MEIS2: variants seen among roughly 807,000 people sequenced by gnomAD.
MEIS2 encodes the protein homeobox protein Meis2.
In MEIS2, 9 loss-of-function variants were observed where a neutral mutation model predicts 58.6. That is an observed-to-expected ratio of 0.15 (90% CI 0.09 to 0.27). MEIS2 has a LOEUF of 0.27. Ranked by LOEUF, MEIS2 falls within the 10% of genes least tolerant of loss-of-function variation. The pLI, the probability that MEIS2 is intolerant of heterozygous loss-of-function variation, is 1.00. For synonymous variants in MEIS2, 221 were observed against 228.4 expected (o/e 0.97, Z 0.29); for missense variants, 427 against 635.0 (o/e 0.67, Z 3.52).
At chr15:36,950,558 A>G (rs1228567392) in intron 8 of MEIS2, among the ~76,000 whole-genome samples, 158 bp from the exon 9 acceptor site, 2 of 152,032 alleles carry the variant, frequency 1.3e-5, no homozygotes, top group Admixed American at 6.6e-5. Flanking sequence ...GGGCAGGGAC[A>G]AGAACCCAGA....
At chr15:36,938,270 T>C (rs2058248247) in intron 9 of MEIS2, among the ~76,000 whole-genome samples, 1 of 149,054 alleles carries the variant, frequency 6.7e-6, no homozygotes, top group South Asian at 2.1e-4. Context: ...TACCTTTCCC[T>C]CCCCTTGTGC....
chr15:37,075,576 GA>G (rs1429485370), intron 7 of MEIS2, among the ~76,000 whole-genome samples: 2 of 151,836 alleles, frequency 1.3e-5, no homozygotes, highest in Non-Finnish European at 2.9e-5. Flanking sequence ...CTTAAAAAAG[GA>G]AAAAAGAAAA....
At chr15:37,071,862 G>A (rs756564681) in intron 7 of MEIS2, among the ~76,000 whole-genome samples, 7 of 152,012 alleles carry the variant, frequency 4.6e-5, no homozygotes, top group Non-Finnish European at 7.4e-5. Context: ...TGCATCAAGC[G>A]TTTCCACTTT....
intron 9 of MEIS2, 91 bp from the exon 10 acceptor site, chr15:36,896,777 T>C (rs778472164): frequency 2.1e-6 from 2 of 967,106 alleles, no homozygotes; most frequent in Non-Finnish European, 3.3e-6. Flanking sequence ...CAAAATACAG[T>C]CAAATCTCTT....
At chr15:37,042,393 A>G (rs911319121) in intron 7 of MEIS2, among the ~76,000 whole-genome samples, 1 of 152,054 alleles carries the variant, frequency 6.6e-6, no homozygotes, top group African/African-American at 2.4e-5. Flanking sequence ...AACTTCTTCT[A>G]CTTACCCCAT....
intron 9 of MEIS2, among the ~76,000 whole-genome samples, chr15:36,926,047 C>T (rs551724583): frequency 7.9e-5 from 12 of 152,138 alleles, no homozygotes; most frequent in East Asian, 1.9e-4. Context: ...TATCCAGCCC[C>T]GCTTCTTTTT....
chr15:37,099,005 G>A, intron 1 of MEIS2: 1 of 983,578 alleles, frequency 1.0e-6, no homozygotes, highest in South Asian at 4.5e-5. Context: ...GGCTGCGGCA[G>A]CGCGGCCCCA....
intron 7 of MEIS2, among the ~76,000 whole-genome samples, chr15:37,062,292 T>C (rs1009967356): frequency 2.0e-5 from 3 of 152,202 alleles, no homozygotes; most frequent in South Asian, 2.1e-4. Flanking sequence ...TAAGTATCAT[T>C]ACAGTGTGAC....
chr15:37,038,116 T>C (rs2062240334), intron 7 of MEIS2, among the ~76,000 whole-genome samples: 1 of 152,250 alleles, frequency 6.6e-6, no homozygotes, highest in Non-Finnish European at 1.5e-5. Context: ...TGGGGGTTTT[T>C]GTAATTTAAG....
intron 7 of MEIS2, among the ~76,000 whole-genome samples, chr15:37,061,568 A>G (rs1470087028): frequency 6.6e-6 from 1 of 152,252 alleles, no homozygotes; most frequent in Non-Finnish European, 1.5e-5. Flanking sequence ...GAATATCTTC[A>G]GAAGCAGCTG....
intron 7 of MEIS2, among the ~76,000 whole-genome samples, chr15:37,054,656 C>T (rs143896084): frequency 1.1e-4 from 17 of 152,268 alleles, no homozygotes; most frequent in African/African-American, 4.1e-4. Context: ...TGAGCTCAAG[C>T]GATTCTCCTG....
chr15:36,920,752 G>A (rs1198963308), intron 9 of MEIS2, among the ~76,000 whole-genome samples: 1 of 152,132 alleles, frequency 6.6e-6, no homozygotes, highest in Non-Finnish European at 1.5e-5. Flanking sequence ...CCTGTGTTCT[G>A]AGGATAAAAC....
At chr15:36,896,822 C>T (rs1356336079) in intron 9 of MEIS2, 136 bp from the exon 10 acceptor site, 4 of 746,578 alleles carry the variant, frequency 5.4e-6, no homozygotes, top group Non-Finnish European at 8.8e-6. Context: ...AGGTGATTTT[C>T]CCTTTCAGCG....
At chr15:36,957,076 A>AT (rs1318709254) in intron 8 of MEIS2, among the ~76,000 whole-genome samples, 1 of 152,192 alleles carries the variant, frequency 6.6e-6, no homozygotes, top group Non-Finnish European at 1.5e-5. Flanking sequence ...ATCCCAATAG[A>AT]TTTTTTAAAT....
intron 7 of MEIS2, among the ~76,000 whole-genome samples, chr15:37,074,206 C>T (rs1348333839): frequency 6.6e-6 from 1 of 151,896 alleles, no homozygotes. Flanking sequence ...GCAGATAGAA[C>T]AGTCTATTGG....
At chr15:37,038,404 C>CA (rs1303282647) in intron 7 of MEIS2, among the ~76,000 whole-genome samples, 1 of 152,142 alleles carries the variant, frequency 6.6e-6, no homozygotes, top group African/African-American at 2.4e-5. Flanking sequence ...CCTTTCTTGC[C>CA]AAAAAACCCT....
At chr15:37,061,329 G>C (rs1361889807) in intron 7 of MEIS2, among the ~76,000 whole-genome samples, 8 of 152,210 alleles carry the variant, frequency 5.3e-5, no homozygotes, top group Non-Finnish European at 8.8e-5. Flanking sequence ...GGTGCCCTAA[G>C]AGAAGGTCAT....
At chr15:37,082,501 G>C (rs865876163) in intron 7 of MEIS2, among the ~76,000 whole-genome samples, 2 of 152,100 alleles carry the variant, frequency 1.3e-5, no homozygotes, top group South Asian at 2.1e-4. Context: ...TTAAGTCATT[G>C]CTTGCAGATC....
At chr15:37,055,418 GT>G (rs2063100589) in intron 7 of MEIS2, among the ~76,000 whole-genome samples, 1 of 152,062 alleles carries the variant, frequency 6.6e-6, no homozygotes, top group African/African-American at 2.4e-5. Flanking sequence ...GTGTGTGTGT[GT>G]TTTTCCCCCC....
Sources: gnomAD v4.1 joint callset for allele counts (sites outside exome capture counted in the v4.1 genomes callset) on GRCh38, gnomAD v4.1.1 for gene constraint, MANE v1.5 for transcripts, NCBI Gene and HGNC (gene_info 2026-07-23, HGNC 2026-07-21) for gene names.